The following FABP7 variants were observed in gnomAD, a reference collection of about 807,000 sequenced individuals.
FABP7 encodes the protein fatty acid-binding protein, brain.
FABP7 carries 13 observed loss-of-function variants against 14.2 expected under a neutral mutation model. The ratio of observed to expected loss-of-function variants is 0.91; its 90% CI spans 0.59 to 1.45. The LOEUF (loss-of-function observed/expected upper bound fraction) is 1.45. Ranked by LOEUF, FABP7 falls within the 40% of genes most tolerant of loss-of-function variation. FABP7 has a pLI of 0.00. For synonymous variants in FABP7, 49 were observed against 51.4 expected, an observed-to-expected ratio of 0.95 and a Z score of 0.20; for missense variants, 149 against 157.6, an observed-to-expected ratio of 0.95 and a Z score of 0.29.
At chr6:122,777,376 C>G (rs918888028), upstream of FABP7, among the ~76,000 whole-genome samples, 1 of 152,040 alleles carries the variant, frequency 6.6e-6, no homozygotes, top group African/African-American at 2.4e-5. Context: ...GAGCAGACCC[C>G]CTTTTGGCCA....
the FABP7 span, among the ~76,000 whole-genome samples, chr6:122,757,451 C>T: frequency 1.3e-5 from 2 of 151,862 alleles, no homozygotes; most frequent in Admixed American, 6.6e-5. Flanking sequence ...TGGCCCTAGG[C>T]CCCTGTCCCT....
the FABP7 span, among the ~76,000 whole-genome samples, chr6:122,758,105 C>CTTTTT: frequency 0.011 from 1,357 of 118,294 alleles, 13 homozygotes; most frequent in Admixed American, 0.02. Flanking sequence ...TATTATCTAG[C>CTTTTT]TTTTTTTTTT....
the FABP7 span, among the ~76,000 whole-genome samples, chr6:122,765,347 T>G: frequency 6.6e-6 from 1 of 152,152 alleles, no homozygotes; most frequent in Non-Finnish European, 1.5e-5. Flanking sequence ...TCAGCTGGCA[T>G]GGCATTTTGA....
chr6:122,770,451 TTAG>T, the FABP7 span, among the ~76,000 whole-genome samples: 1 of 152,124 alleles, frequency 6.6e-6, no homozygotes, highest in African/African-American at 2.4e-5. Context: ...GGTCAAGGAA[TTAG>T]TAGTAGCATC....
the FABP7 span, among the ~76,000 whole-genome samples, chr6:122,762,603 C>T: frequency 6.6e-6 from 1 of 152,304 alleles, no homozygotes; most frequent in Non-Finnish European, 1.5e-5. Context: ...GTCAAATTGT[C>T]CCTGTTTGCA....
At chr6:122,758,992 A>G in the FABP7 span, among the ~76,000 whole-genome samples, 9 of 152,228 alleles carry the variant, frequency 5.9e-5, no homozygotes, top group African/African-American at 2.2e-4. Flanking sequence ...CTAAAGAGTT[A>G]CTTAAAGAAA....
intron 3 of FABP7, chr6:122,781,900 G>A (rs565185452): frequency 5.6e-4 from 227 of 402,514 alleles, no homozygotes; most frequent in Non-Finnish European, 7.1e-4. Flanking sequence ...AGCCACCAAC[G>A]CCGGGCTAAT....
At chr6:122,781,639 A>C (rs1433786750) in intron 3 of FABP7, 1 of 1,067,530 alleles carries the variant, frequency 9.4e-7, no homozygotes, top group African/African-American at 1.7e-5. Flanking sequence ...TTATATTTTA[A>C]TTTATAAAGT....
At chr6:122,764,528 A>C in the FABP7 span, among the ~76,000 whole-genome samples, 1 of 152,152 alleles carries the variant, frequency 6.6e-6, no homozygotes, top group Non-Finnish European at 1.5e-5. Flanking sequence ...CCTAGAACTT[A>C]AAGTATAATT....
At position 122,783,705 on chromosome 6, in the gene FABP7, T is replaced by C; in HGVS notation, c.349-12T>C. The C allele has an allele frequency of 2.5e-6, 4 of 1,591,766 alleles. No homozygotes were observed. The highest frequency in any genetic ancestry group is 4.5e-5 in the East Asian group (2 of 44,274). On this transcript the variant is annotated splice_polypyrimidine_tract_variant and intron_variant, in intron 3 of 3. Transcript: ENST00000368444. ...TGTATAAAAAGATTTGATTATCTTT[T>C]GAACCTTGCAGACCCTTACTTTTGG...
the FABP7 span, among the ~76,000 whole-genome samples, chr6:122,750,266 G>A: frequency 7.9e-5 from 12 of 152,048 alleles, no homozygotes; most frequent in South Asian, 2.3e-3. Flanking sequence ...TAGTATTCAA[G>A]CTTTGCATGC....
At chr6:122,760,079 C>T in the FABP7 span, among the ~76,000 whole-genome samples, 14 of 150,560 alleles carry the variant, frequency 9.3e-5, no homozygotes, top group East Asian at 3.9e-4. Context: ...CCAGTCTGGG[C>T]GACAGAGCGA....
chr6:122,776,303 A>C (rs1430202047), upstream of FABP7, among the ~76,000 whole-genome samples: 1 of 152,186 alleles, frequency 6.6e-6, no homozygotes, highest in East Asian at 1.9e-4. Flanking sequence ...TGGATAAAGA[A>C]AATGTGGTAT....
chr6:122,754,564 C>T, the FABP7 span, among the ~76,000 whole-genome samples: 13 of 151,974 alleles, frequency 8.6e-5, no homozygotes, highest in African/African-American at 1.2e-4. Flanking sequence ...AACTGAAAAA[C>T]ATTCGCTTTA....
Position 122,780,280 on chromosome 6 carries a change from T to C in FABP7, c.74-11T>C, listed in dbSNP as rs760896281. ...TCGCTGCAGACTGTACTGTTCCCTTTGCTATTTTAGGCGTGGGCTTTGCCA... is the reference window on the plus strand; with the variant it reads ...TCGCTGCAGACTGTACTGTTCCCTTCGCTATTTTAGGCGTGGGCTTTGCCA... On this transcript the variant is annotated splice_polypyrimidine_tract_variant and intron_variant, in intron 1 of 3. Coordinates refer to ENST00000368444, the MANE Select transcript of FABP7 (RefSeq NM_001446.5). 1 of 1,613,954 alleles carries C rather than the reference T, an allele frequency of 6.2e-7. No homozygotes were observed. The highest frequency in any genetic ancestry group is 1.1e-5 in the South Asian group (1 of 90,996).
upstream of FABP7, among the ~76,000 whole-genome samples, chr6:122,778,867 C>CT (rs1260513659): frequency 2.0e-5 from 3 of 152,172 alleles, no homozygotes; most frequent in African/African-American, 7.2e-5. Context: ...AATTTAAAGT[C>CT]TTACTAAATA....
At chr6:122,770,036 C>T in the FABP7 span, among the ~76,000 whole-genome samples, 7 of 151,980 alleles carry the variant, frequency 4.6e-5, no homozygotes, top group Non-Finnish European at 7.4e-5. Flanking sequence ...ATAGCTTCTT[C>T]AACAAATTCT....
the FABP7 span, among the ~76,000 whole-genome samples, chr6:122,772,409 A>G: frequency 6.6e-6 from 1 of 152,166 alleles, no homozygotes; most frequent in African/African-American, 2.4e-5. Context: ...GCTTCTTTTC[A>G]AGGGCATGCC....
chr6:122,773,894 ACAAAC>A, the FABP7 span, among the ~76,000 whole-genome samples: 1 of 144,628 alleles, frequency 6.9e-6, no homozygotes, highest in Non-Finnish European at 1.6e-5. Context: ...TTTAAAAAAA[ACAAAC>A]AAACAGGTCT....
Sources: gnomAD v4.1 joint callset for allele counts (sites outside exome capture counted in the v4.1 genomes callset) on GRCh38, gnomAD v4.1.1 for gene constraint, MANE v1.5 for transcripts, NCBI Gene and HGNC (gene_info 2026-07-23, HGNC 2026-07-21) for gene names.